AK5: variants seen among roughly 807,000 people sequenced by gnomAD.
AK5 encodes the protein adenylate kinase isoenzyme 5.
A neutral mutation model predicts 69.5 loss-of-function variants in AK5; 27 were observed. That is an observed-to-expected ratio of 0.39 (90% CI 0.29 to 0.54). AK5 has a LOEUF of 0.54. Among genes scored for constraint, AK5 ranks in the 20% least tolerant of loss-of-function variants. The probability of loss-of-function intolerance (pLI) is 0.71; values close to 1 mark genes in which losing one functional copy is unlikely to be tolerated. For synonymous variants in AK5, 260 were observed against 244.4 expected (o/e 1.06, Z -0.60); for missense variants, 531 against 700.4 (o/e 0.76, Z 2.73).
chr1:77,416,920 T>G (rs965245699), intron 7 of AK5, among the ~76,000 whole-genome samples: 1 of 152,166 alleles, frequency 6.6e-6, no homozygotes, highest in Non-Finnish European at 1.5e-5. Flanking sequence ...GAAAGAGTTA[T>G]TAAATGAGAA....
At chr1:77,403,779 G>T (rs189296006) in intron 6 of AK5, among the ~76,000 whole-genome samples, 2 of 152,136 alleles carry the variant, frequency 1.3e-5, no homozygotes, top group Non-Finnish European at 2.9e-5. Context: ...TGGCAATGCG[G>T]GCTCTTTTTT....
At chr1:77,444,178 T>C (rs1652521633) in intron 8 of AK5, among the ~76,000 whole-genome samples, 1 of 140,516 alleles carries the variant, frequency 7.1e-6, no homozygotes, top group African/African-American at 2.7e-5. Flanking sequence ...TCTCTCTATA[T>C]ATATGTCAGA....
chr1:77,410,418 C>T (rs1649963441), intron 6 of AK5, among the ~76,000 whole-genome samples: 1 of 151,958 alleles, frequency 6.6e-6, no homozygotes, highest in South Asian at 2.1e-4. Context: ...GCTGGGACTA[C>T]AGGCACATGC....
At chr1:77,443,396 C>A (rs774673706) in intron 8 of AK5, among the ~76,000 whole-genome samples, 3 of 152,232 alleles carry the variant, frequency 2.0e-5, no homozygotes, top group Non-Finnish European at 4.4e-5. Context: ...TTGCAAGGTG[C>A]AAGATACTTA....
chr1:77,465,894 T>C (rs935832092), intron 8 of AK5, among the ~76,000 whole-genome samples: 4 of 152,178 alleles, frequency 2.6e-5, no homozygotes, highest in Non-Finnish European at 5.9e-5. Flanking sequence ...GTAGCCACCC[T>C]CTGGAGTGAA....
chr1:77,328,359 G>T (rs1363824736), intron 5 of AK5, among the ~76,000 whole-genome samples: 1 of 152,022 alleles, frequency 6.6e-6, no homozygotes, highest in Non-Finnish European at 1.5e-5. Flanking sequence ...AATTAGCCGG[G>T]CGTGGTGGCG....
chr1:77,428,936 T>TC (rs1651405786), intron 8 of AK5, among the ~76,000 whole-genome samples: 1 of 152,232 alleles, frequency 6.6e-6, no homozygotes, highest in Non-Finnish European at 1.5e-5. Context: ...CATGAACTCA[T>TC]CATTTTTATG....
At chr1:77,346,763 G>A (rs1026651686) in intron 6 of AK5, among the ~76,000 whole-genome samples, 75 of 152,220 alleles carry the variant, frequency 4.9e-4, no homozygotes, top group African/African-American at 1.7e-3. Context: ...CTCCCAAAGT[G>A]CTGGGACTAC....
At chr1:77,470,614 T>C (rs1654400101) in intron 8 of AK5, among the ~76,000 whole-genome samples, 1 of 151,822 alleles carries the variant, frequency 6.6e-6, no homozygotes, top group Non-Finnish European at 1.5e-5. Context: ...GGACTGGAAA[T>C]TTTATTTAAG....
Position 77,473,200 on chromosome 1 carries a change from G to GTT in AK5, c.1060-10105_1060-10104dup, listed in dbSNP as rs538996435. 4.8e-3 allele frequency among the ~76,000 whole-genome samples: 685 copies of GTT among 142,848 alleles called. 4 individuals are homozygous for GTT. Among genetic ancestry groups the GTT allele is most frequent in the African/African-American group, 0.016 (635 of 39,242 alleles). The allele number at this position is 142,848 out of a possible 152,430, so 93.7% of individuals were successfully genotyped here. On this transcript the variant is annotated intron_variant, in intron 8 of 13. Coordinates refer to ENST00000354567, the MANE Select transcript of AK5 (RefSeq NM_174858.3). ...ATCTCAGCATTGGAAGCTTCTTGGG[G>GTT]TTTTTTTTTTTTTGGTGTTTTGTTT...
chr1:77,315,806 A>G (rs1449323294), intron 5 of AK5, among the ~76,000 whole-genome samples: 1 of 151,610 alleles, frequency 6.6e-6, no homozygotes, highest in East Asian at 1.9e-4. Flanking sequence ...AACAGAAGAT[A>G]TAATATTTCT....
At chr1:77,485,578 G>T (rs762885384) in intron 9 of AK5, among the ~76,000 whole-genome samples, 1 of 152,108 alleles carries the variant, frequency 6.6e-6, no homozygotes, top group Non-Finnish European at 1.5e-5. Flanking sequence ...TGCTCTAAGT[G>T]AAACTATTTT....
intron 11 of AK5, among the ~76,000 whole-genome samples, chr1:77,519,486 C>T (rs1485956448): frequency 6.6e-6 from 1 of 152,150 alleles, no homozygotes. Flanking sequence ...GGGTCCCAAT[C>T]CAGACCCCAA....
At position 77,533,517 on chromosome 1, in the gene AK5, A is replaced by C. The variant is rs1315390043; in HGVS notation, c.1429-2330A>C. The stretch of plus-strand genomic sequence containing the variant: ...GAGCAAGACTCTGTCACCAAAAAAA[A>C]AAAAAAAAAAAAAAAAAACAGATTC... On this transcript the variant is annotated intron_variant, in intron 12 of 13. Transcript: ENST00000354567. Among the ~76,000 whole-genome samples, 104 of 41,328 alleles carry C rather than the reference A, an allele frequency of 2.5e-3. 1 individual carries two copies. The highest frequency in any genetic ancestry group is 4.7e-3 in the African/African-American group (99 of 21,004). 27.1% of individuals were successfully genotyped at this position (41,328 alleles called of 152,430 possible). A position where few individuals can be genotyped will look rare whatever the true frequency, so the allele number is the denominator to read the frequency against.
intron 6 of AK5, among the ~76,000 whole-genome samples, chr1:77,396,652 A>G (rs912418022): frequency 2.0e-5 from 3 of 152,200 alleles, no homozygotes; most frequent in African/African-American, 7.2e-5. Flanking sequence ...TAAAAATAGG[A>G]AGGAAAAACA....
At chr1:77,442,018 G>A (rs551344293) in intron 8 of AK5, among the ~76,000 whole-genome samples, 3 of 152,294 alleles carry the variant, frequency 2.0e-5, no homozygotes, top group African/African-American at 7.2e-5. Flanking sequence ...CTGACTCCAA[G>A]AAATAAAGGA....
At chr1:77,343,036 A>G (rs1178317898) in intron 6 of AK5, among the ~76,000 whole-genome samples, 3 of 152,216 alleles carry the variant, frequency 2.0e-5, no homozygotes, top group Non-Finnish European at 4.4e-5. Context: ...GCTCCAGGAA[A>G]TGAACAGAGC....
chr1:77,450,977 A>G (rs1434624473), intron 8 of AK5, among the ~76,000 whole-genome samples: 1 of 152,182 alleles, frequency 6.6e-6, no homozygotes, highest in African/African-American at 2.4e-5. Context: ...GGAGTTCAAG[A>G]CCAGCCTGGG....
chr1:77,529,334 G>GTTTTTTTTTTTT lies in AK5; in HGVS notation c.1429-6507_1429-6496dup, dbSNP rs935476152. On this transcript the variant is annotated intron_variant, in intron 12 of 13. Transcript: ENST00000354567. Reference sequence around the variant, plus strand: ...AGGTGTTAGGACCCCCGTTTTATAGGTTTTTTTTTTTTTTTTTGAGACGGA... The same window carrying GTTTTTTTTTTTT: ...AGGTGTTAGGACCCCCGTTTTATAGGTTTTTTTTTTTTTTTTTTTTTTTTTTTTTGAGACGGA... Among the ~76,000 whole-genome samples the GTTTTTTTTTTTT allele has an allele frequency of 2.5e-3, 350 of 137,964 alleles. 9 individuals are homozygous for GTTTTTTTTTTTT. The highest frequency in any genetic ancestry group is 9.1e-3 in the African/African-American group (336 of 36,828). 90.5% of individuals were successfully genotyped at this position (137,964 alleles called of 152,430 possible). A position where few individuals can be genotyped will look rare whatever the true frequency, so the allele number is the denominator to read the frequency against.
Sources: allele counts gnomAD v4.1 joint callset (sites outside exome capture counted in the v4.1 genomes callset), GRCh38; gene constraint gnomAD v4.1.1; transcripts MANE v1.5; gene names NCBI Gene and HGNC (gene_info 2026-07-23, HGNC 2026-07-21).